Variants in ADCY2 observed in about 807,000 individuals in gnomAD.
ADCY2 encodes adenylate cyclase type 2.
A neutral mutation model predicts 125.2 loss-of-function variants in ADCY2; 31 were observed. That is an observed-to-expected ratio of 0.25 (90% CI 0.19 to 0.33). The LOEUF is 0.33. ADCY2 is among the 10% of genes least tolerant of loss of function. The pLI is 1.00. For missense variants in ADCY2, 904 were observed against 1,418.2 expected, an observed-to-expected ratio of 0.64 and a Z score of 5.82; for synonymous variants, 512 against 548.4, an observed-to-expected ratio of 0.93 and a Z score of 0.93.
At chr5:7,477,081 C>T (rs1003145569) in intron 2 of ADCY2, among the ~76,000 whole-genome samples, 8 of 152,136 alleles carry the variant, frequency 5.3e-5, no homozygotes, top group South Asian at 2.1e-4. Context: ...TTGTTCCACA[C>T]GTAACATTAC....
chr5:7,511,158 C>A (rs1744041940), intron 2 of ADCY2, among the ~76,000 whole-genome samples: 1 of 151,980 alleles, frequency 6.6e-6, no homozygotes, highest in African/African-American at 2.4e-5. Context: ...GGGACCCATC[C>A]CAACAGTGTC....
In ADCY2 at chr5:7,489,527, A is replaced by G. The variant is rs188324793; in HGVS notation, c.409-31211A>G. Reference sequence around the variant, plus strand: ...GCATATGGTAGTGAGTGAGTCTCACAAGATCTGATAGTTTTATAGAGTTCC... The same window carrying G: ...GCATATGGTAGTGAGTGAGTCTCACGAGATCTGATAGTTTTATAGAGTTCC... On this transcript the variant is annotated intron_variant, in intron 2 of 24. Coordinates refer to ENST00000338316, the MANE Select transcript of ADCY2 (RefSeq NM_020546.3). Among the ~76,000 whole-genome samples, 6 of 152,258 alleles carry G rather than the reference A, an allele frequency of 3.9e-5. No individual in the cohort carries two copies. The East Asian group carries it at 7.7e-4, about 20-fold the overall frequency.
chr5:7,609,743 G>A (rs1737507835), intron 3 of ADCY2, among the ~76,000 whole-genome samples: 1 of 152,194 alleles, frequency 6.6e-6, no homozygotes, highest in Non-Finnish European at 1.5e-5. Context: ...TTACTCTACT[G>A]ATGTTGGAGA....
intron 17 of ADCY2, among the ~76,000 whole-genome samples, chr5:7,769,110 G>A (rs888563463): frequency 2.0e-5 from 3 of 152,180 alleles, no homozygotes; most frequent in Admixed American, 6.5e-5. Context: ...ACTCTTCTAA[G>A]TGGTAATTTC....
intron 2 of ADCY2, among the ~76,000 whole-genome samples, chr5:7,518,060 CAG>C (rs1428449965): frequency 6.6e-6 from 1 of 152,152 alleles, no homozygotes; most frequent in Non-Finnish European, 1.5e-5. Flanking sequence ...GAGGGCAACA[CAG>C]AGATTCCAAA....
chr5:7,606,538 T>C (rs1401754350), intron 3 of ADCY2, among the ~76,000 whole-genome samples: 3 of 152,252 alleles, frequency 2.0e-5, no homozygotes, highest in African/African-American at 7.2e-5. Context: ...TCCATGATCA[T>C]TTAAATGCAA....
chr5:7,563,422 G>T (rs1221220665), intron 3 of ADCY2, among the ~76,000 whole-genome samples: 1 of 152,184 alleles, frequency 6.6e-6, no homozygotes, highest in African/African-American at 2.4e-5. Context: ...AGCCTGGCAG[G>T]CTCTGGAGAC....
intron 1 of ADCY2, among the ~76,000 whole-genome samples, chr5:7,406,459 C>T (rs1455061767): frequency 6.6e-6 from 1 of 152,202 alleles, no homozygotes; most frequent in East Asian, 1.9e-4. Context: ...CTCATTGGCC[C>T]TTGGCTCACA....
At chr5:7,552,019 G>T (rs1735360638) in intron 3 of ADCY2, among the ~76,000 whole-genome samples, 2 of 152,102 alleles carry the variant, frequency 1.3e-5, no homozygotes, top group Admixed American at 1.3e-4. Context: ...AATGAAATCA[G>T]TACAGAGTTG....
At chr5:7,819,520 T>G (rs1745228754) in intron 23 of ADCY2, among the ~76,000 whole-genome samples, 1 of 152,198 alleles carries the variant, frequency 6.6e-6, no homozygotes, top group African/African-American at 2.4e-5. Flanking sequence ...TTTATTGACA[T>G]TAAATGTCTA....
chr5:7,430,640 T>C (rs968791707), intron 2 of ADCY2, among the ~76,000 whole-genome samples: 4 of 150,656 alleles, frequency 2.7e-5, no homozygotes, highest in African/African-American at 9.8e-5. Flanking sequence ...GGTTTAATAT[T>C]TTAAAATCAA....
chr5:7,698,130 T>C (rs960657903), intron 6 of ADCY2, 117 bp from the exon 7 acceptor site: 19 of 1,267,210 alleles, frequency 1.5e-5, no homozygotes, highest in East Asian at 4.6e-5. Context: ...TTCTCATTGC[T>C]CTCTCCAGAT....
chr5:7,539,653 G>T (rs1010802451), intron 3 of ADCY2, among the ~76,000 whole-genome samples: 1 of 152,186 alleles, frequency 6.6e-6, no homozygotes, highest in African/African-American at 2.4e-5. Flanking sequence ...GCATGTTCCA[G>T]AACAGGGATT....
intron 4 of ADCY2, among the ~76,000 whole-genome samples, chr5:7,671,064 TA>T (rs1326792386): frequency 1.3e-5 from 2 of 152,222 alleles, no homozygotes; most frequent in Admixed American, 6.5e-5. Context: ...AGACAGATGT[TA>T]GGCAAGAGAG....
At chr5:7,408,856 G>C (rs7706154) in intron 1 of ADCY2, among the ~76,000 whole-genome samples, 46,911 of 151,722 alleles carry the variant, frequency 0.31, 7,921 homozygotes, top group African/African-American at 0.43. Context: ...AAATACCATT[G>C]GACCCAGCAA....
chr5:7,720,252 G>A (rs570992429), intron 12 of ADCY2, among the ~76,000 whole-genome samples: 2 of 152,070 alleles, frequency 1.3e-5, no homozygotes, highest in East Asian at 3.9e-4. Flanking sequence ...CAGCACACAC[G>A]AATCTATTCC....
chr5:7,647,898 G>A (rs528123264), intron 4 of ADCY2, among the ~76,000 whole-genome samples: 2 of 152,202 alleles, frequency 1.3e-5, no homozygotes, highest in South Asian at 4.2e-4. Flanking sequence ...AAAGTATAAA[G>A]CAAAAGAACA....
chr5:7,693,420 T>TTG (rs1740783027), intron 5 of ADCY2, among the ~76,000 whole-genome samples: 1 of 127,462 alleles, frequency 7.8e-6, no homozygotes, highest in African/African-American at 2.8e-5. Context: ...TTTGTTTTTT[T>TTG]TTTTTTTTTT....
chr5:7,593,478 A>G (rs1736910694), intron 3 of ADCY2, among the ~76,000 whole-genome samples: 1 of 152,080 alleles, frequency 6.6e-6, no homozygotes, highest in African/African-American at 2.4e-5. Flanking sequence ...GAGCGTATTC[A>G]TTTCTCTCCT....
Sources: allele counts gnomAD v4.1 joint callset (sites outside exome capture counted in the v4.1 genomes callset), GRCh38; gene constraint gnomAD v4.1.1; transcripts MANE v1.5; gene names NCBI Gene and HGNC (gene_info 2026-07-23, HGNC 2026-07-21).